Variants in RAP1GDS1 observed in about 807,000 individuals in gnomAD.
RAP1GDS1 encodes RAP1, GTP-GDP dissociation stimulator 1.
In RAP1GDS1, 35 loss-of-function variants were observed where a neutral mutation model predicts 71.1. That is an observed-to-expected ratio of 0.49 (90% CI 0.38 to 0.65). The LOEUF (loss-of-function observed/expected upper bound fraction) is 0.65, where lower values mean the gene tolerates loss of function less well. Ranked by LOEUF, RAP1GDS1 falls within the 30% of genes least tolerant of loss-of-function variation. The pLI is 0.00. For synonymous variants in RAP1GDS1, 229 were observed against 243.1 expected (o/e 0.94, Z 0.54); for missense variants, 663 against 706.1 (o/e 0.94, Z 0.69).
intron 4 of RAP1GDS1, among the ~76,000 whole-genome samples, chr4:98,357,824 A>G (rs183270087): frequency 1.3e-5 from 2 of 151,976 alleles, no homozygotes; most frequent in African/African-American, 2.4e-5. Flanking sequence ...CAGCTCCACC[A>G]TTCACTAAGT....
At position 98,321,105 on chromosome 4, in the gene RAP1GDS1, C is replaced by T. The variant is rs1370880614; in HGVS notation, c.113-22034C>T. Among the ~76,000 whole-genome samples the T allele has an allele frequency of 4.6e-3, 674 of 145,168 alleles. 5 individuals carry two copies. Among genetic ancestry groups the T allele is most frequent in the South Asian group, 0.015 (65 of 4,414 alleles). The stretch of plus-strand genomic sequence containing the variant: ...GCTGATGGAGCTGAAAACCAAGGCT[C>T]GAGAACTACGTGAAGAATGCAGAAG... On this transcript the variant is annotated intron_variant, in intron 2 of 14. Transcript: ENST00000408927.
At chr4:98,367,435 C>T (rs561318496) in intron 4 of RAP1GDS1, among the ~76,000 whole-genome samples, 18 of 152,316 alleles carry the variant, frequency 1.2e-4, no homozygotes, top group East Asian at 1.9e-4. Flanking sequence ...GTTGGACCCC[C>T]GCACAGAGTC....
intron 5 of RAP1GDS1, among the ~76,000 whole-genome samples, chr4:98,391,006 AAGAGC>A (rs1743549008): frequency 6.6e-6 from 1 of 152,162 alleles, no homozygotes; most frequent in African/African-American, 2.4e-5. Flanking sequence ...AAAATTTTTG[AAGAGC>A]ATTTCTGTAT....
chr4:98,433,604 T>G (rs1750749168), intron 12 of RAP1GDS1, among the ~76,000 whole-genome samples: 1 of 152,140 alleles, frequency 6.6e-6, no homozygotes, highest in Non-Finnish European at 1.5e-5. Flanking sequence ...ATTCCAAGTT[T>G]TATTCTTGTT....
chr4:98,418,424 G>T (rs890252949), intron 9 of RAP1GDS1, among the ~76,000 whole-genome samples: 1 of 152,052 alleles, frequency 6.6e-6, no homozygotes, highest in Non-Finnish European at 1.5e-5. Context: ...CTAAACTAAA[G>T]ATTTTTCTGG....
intron 1 of RAP1GDS1, among the ~76,000 whole-genome samples, chr4:98,279,795 T>C (rs1017393777): frequency 3.3e-5 from 5 of 152,172 alleles, no homozygotes; most frequent in African/African-American, 9.7e-5. Flanking sequence ...TGTGTGATGT[T>C]CCCTGCCCTG....
At chr4:98,416,423 T>G (rs1748027951) in intron 7 of RAP1GDS1, among the ~76,000 whole-genome samples, 1 of 135,076 alleles carries the variant, frequency 7.4e-6, no homozygotes, top group Non-Finnish European at 1.5e-5. Context: ...CTTGGCTCAC[T>G]GCAAGTTCCG....
chr4:98,404,384 A>T, intron 6 of RAP1GDS1, 93 bp from the exon 7 acceptor site: 1 of 1,200,286 alleles, frequency 8.3e-7, no homozygotes. Context: ...ATTTGTATTT[A>T]TCAGTAATGG....
intron 3 of RAP1GDS1, among the ~76,000 whole-genome samples, chr4:98,348,547 C>G (rs575243276): frequency 5.3e-5 from 8 of 152,204 alleles, no homozygotes; most frequent in Non-Finnish European, 1.0e-4. Context: ...GCCACACTGT[C>G]TTCCACAATG....
intron 7 of RAP1GDS1, among the ~76,000 whole-genome samples, chr4:98,405,657 T>C (rs777185051): frequency 1.6e-4 from 25 of 151,978 alleles, no homozygotes; most frequent in Non-Finnish European, 3.4e-4. Context: ...AATCCACATC[T>C]AGATGCCTCA....
intron 2 of RAP1GDS1, among the ~76,000 whole-genome samples, chr4:98,299,000 T>C (rs1728186290): frequency 6.6e-6 from 1 of 152,228 alleles, no homozygotes; most frequent in Non-Finnish European, 1.5e-5. Context: ...GTTGGTTTGC[T>C]GCACCCATTA....
At chr4:98,408,272 G>A (rs570881100) in intron 7 of RAP1GDS1, among the ~76,000 whole-genome samples, 1 of 151,730 alleles carries the variant, frequency 6.6e-6, no homozygotes, top group Non-Finnish European at 1.5e-5. Flanking sequence ...GATTACAGGC[G>A]CCTCCTACCA....
At chr4:98,423,413 A>G (rs996852134) in intron 12 of RAP1GDS1, among the ~76,000 whole-genome samples, 3 of 152,250 alleles carry the variant, frequency 2.0e-5, no homozygotes, top group African/African-American at 7.2e-5. Context: ...CTGGGAATTA[A>G]GTGAATTATA....
chr4:98,305,743 A>G (rs1282635170), intron 2 of RAP1GDS1, among the ~76,000 whole-genome samples: 1 of 152,200 alleles, frequency 6.6e-6, no homozygotes, highest in African/African-American at 2.4e-5. Flanking sequence ...AAGGATATAA[A>G]TCTCCATTGG....
intron 12 of RAP1GDS1, among the ~76,000 whole-genome samples, chr4:98,422,474 C>T (rs1749033426): frequency 6.6e-6 from 1 of 152,080 alleles, no homozygotes; most frequent in African/African-American, 2.4e-5. Flanking sequence ...CCTTGGCCTC[C>T]CAAAGTGCTG....
intron 5 of RAP1GDS1, chr4:98,387,307 A>G (rs1338328250): frequency 1.9e-5 from 7 of 366,368 alleles, no homozygotes; most frequent in Non-Finnish European, 3.9e-5. Context: ...ATTTTTAGTA[A>G]CTTCAGTTGA....
At chr4:98,436,881 G>A (rs1157696733) in intron 13 of RAP1GDS1, 59 bp from the exon 14 acceptor site, 27 of 1,447,030 alleles carry the variant, frequency 1.9e-5, no homozygotes, top group Non-Finnish European at 2.4e-5. Flanking sequence ...AAATGAAGCA[G>A]TGTTTATCCT....
intron 2 of RAP1GDS1, among the ~76,000 whole-genome samples, chr4:98,341,442 T>C (rs1172436603): frequency 2.6e-5 from 4 of 152,226 alleles, no homozygotes; most frequent in Non-Finnish European, 5.9e-5. Flanking sequence ...ATTAAGCCAC[T>C]CTTTTAGTTA....
At position 98,420,036 on chromosome 4, in the gene RAP1GDS1, A is replaced by T; in HGVS notation, c.1192A>T (p.Met398Leu). 6.2e-7 allele frequency: 1 copy of T among 1,600,744 alleles called. No individual in the cohort carries two copies. The highest frequency in any genetic ancestry group is 1.1e-5 in the South Asian group (1 of 88,450). Reference protein sequence around the residue: ...LAIPVINKAKMLSAGVTEAVL... With the variant: ...LAIPVINKAKLLSAGVTEAVL... ...TTCTCCAGTTATAAATAAAGCAAAG[A>T]TGTTATCAGCTGGGGTCACAGAGGC... The change falls in exon 11 of 15, where the codon ATG (methionine) becomes TTG (leucine). Residue 398 changes from methionine (M) to leucine (L), a missense_variant. By Grantham distance (15) the Met-to-Leu change is conservative. Coordinates refer to ENST00000408927, the MANE Select transcript of RAP1GDS1 (RefSeq NM_001100427.2).
Sources: allele counts gnomAD v4.1 joint callset (sites outside exome capture counted in the v4.1 genomes callset), GRCh38; gene constraint gnomAD v4.1.1; transcripts MANE v1.5; gene names NCBI Gene and HGNC (gene_info 2026-07-23, HGNC 2026-07-21).